Variants in CPXM2 observed in about 807,000 individuals in gnomAD.
The protein encoded by CPXM2 is carboxypeptidase X, M14 family member 2.
CPXM2 carries 66 observed loss-of-function variants against 86.1 expected under a neutral mutation model. That is an observed-to-expected ratio of 0.77 (90% CI 0.63 to 0.94). The LOEUF is 0.94. Ranked by LOEUF, CPXM2 falls within the 40% of genes least tolerant of loss-of-function variation. CPXM2 has a pLI of 0.00. For synonymous variants in CPXM2, 388 were observed against 400.2 expected (o/e 0.97, Z 0.36); for missense variants, 948 against 1,026.3 (o/e 0.92, Z 1.04).
intron 4 of CPXM2, among the ~76,000 whole-genome samples, chr10:123,813,361 T>A (rs752103018): frequency 3.3e-5 from 5 of 152,232 alleles, no homozygotes; most frequent in Admixed American, 6.5e-5. Flanking sequence ...AAGGATCAGA[T>A]CACTTGTTTC....
intron 2 of CPXM2, among the ~76,000 whole-genome samples, chr10:123,932,445 G>T (rs1945673940): frequency 1.3e-5 from 2 of 152,204 alleles, no homozygotes; most frequent in Non-Finnish European, 1.5e-5. Flanking sequence ...TTTGTTCCTT[G>T]GGTGGACAGT....
At chr10:123,747,960 G>A (rs1238344325) in intron 13 of CPXM2, among the ~76,000 whole-genome samples, 2 of 151,282 alleles carry the variant, frequency 1.3e-5, no homozygotes, top group East Asian at 3.9e-4. Flanking sequence ...CTAGGCTGAG[G>A]TCTCTCCTCC....
intron 4 of CPXM2, among the ~76,000 whole-genome samples, chr10:123,820,918 A>C (rs528090322): frequency 1.3e-5 from 2 of 152,310 alleles, no homozygotes; most frequent in South Asian, 4.1e-4. Flanking sequence ...CACATCTAAA[A>C]AGTCGCTTTT....
At chr10:123,771,999 G>A (rs1258372385) in intron 7 of CPXM2, among the ~76,000 whole-genome samples, 2 of 152,186 alleles carry the variant, frequency 1.3e-5, no homozygotes, top group East Asian at 3.8e-4. Flanking sequence ...ATAGCAGCAT[G>A]AGAATGAAGG....
chr10:123,938,557 T>C (rs912304391), intron 2 of CPXM2, among the ~76,000 whole-genome samples: 18 of 152,208 alleles, frequency 1.2e-4, no homozygotes, highest in Non-Finnish European at 2.2e-4. Context: ...TCATAGCTCA[T>C]TGGCCTGCAC....
intron 2 of CPXM2, among the ~76,000 whole-genome samples, chr10:123,863,086 T>C (rs576336574): frequency 1.7e-4 from 26 of 152,294 alleles, no homozygotes; most frequent in African/African-American, 6.0e-4. Flanking sequence ...GCCTTTATAT[T>C]GTGCATGCTA....
At chr10:123,862,851 T>C (rs1848884375) in intron 2 of CPXM2, 128 bp from the exon 3 acceptor site, 6 of 737,228 alleles carry the variant, frequency 8.1e-6, no homozygotes, top group Non-Finnish European at 1.4e-5. Context: ...TGCCTGGTCT[T>C]TCCAGACACG....
chr10:123,840,739 T>TA (rs950186192), intron 4 of CPXM2, among the ~76,000 whole-genome samples: 139 of 150,330 alleles, frequency 9.2e-4, no homozygotes, highest in Middle Eastern at 3.4e-3. Context: ...GTCTTTACAG[T>TA]AAAAAAAAAA....
At chr10:123,792,353 C>A (rs892023291) in intron 6 of CPXM2, among the ~76,000 whole-genome samples, 8 of 152,196 alleles carry the variant, frequency 5.3e-5, no homozygotes, top group Admixed American at 5.2e-4. Flanking sequence ...CTGCTGGAAA[C>A]TTACAATCAA....
intron 2 of CPXM2, among the ~76,000 whole-genome samples, chr10:123,866,868 G>C (rs1290436595): frequency 2.6e-5 from 4 of 152,234 alleles, no homozygotes; most frequent in South Asian, 2.1e-4. Context: ...CACTTGGAAA[G>C]TTCTTATTTA....
rs1446341558 is a variant in CPXM2, at chr10:123,885,141, G to A, written c.305-4832C>T. Among the ~76,000 whole-genome samples, 1 of 152,146 alleles carries A rather than the reference G, an allele frequency of 6.6e-6. No homozygotes were observed. The highest frequency in any genetic ancestry group is 2.4e-5 in the African/African-American group (1 of 41,424). ...AAGTAGCACAGGTGAAAAGTTGAAG[G>A]GGAAACACCAATAACTCAGGCTGTG... On this transcript the variant is annotated intron_variant, in intron 1 of 13. Transcript: ENST00000241305. The surrounding 1 kb of genome is among the most constrained non-coding windows in gnomAD (Gnocchi z 4.0).
chr10:123,923,471 C>T (rs966991054), intron 2 of CPXM2, among the ~76,000 whole-genome samples: 7 of 150,848 alleles, frequency 4.6e-5, no homozygotes, highest in Middle Eastern at 3.4e-3. Flanking sequence ...GTCCCAGCTA[C>T]TCGGGAGGCT....
chr10:123,864,276 G>A (rs1455369058), intron 2 of CPXM2, among the ~76,000 whole-genome samples: 2 of 150,928 alleles, frequency 1.3e-5, no homozygotes, highest in Non-Finnish European at 2.9e-5. Flanking sequence ...CCCACCCACT[G>A]ACTGTGACAC....
rs1846553873 is a variant in CPXM2 at position 123,768,689 on chromosome 10, T to C, written c.1136A>G (p.His379Arg). ...CTCCCGGCCCAGCACCTCATTGCCG[T>C]GGGCCCCCGCGATGTAGTGGAACTC... ...EPEFHYIAGA[H>R]GNEVLGRELL... The change falls in exon 9 of 14, where the codon CAC becomes CGC. Residue 379 changes from histidine to arginine, a missense_variant. His to Arg is a conservative substitution (Grantham distance 29). Coordinates refer to ENST00000241305, the MANE Select transcript of CPXM2 (RefSeq NM_198148.3). 1 of 1,611,336 alleles carries C rather than the reference T, an allele frequency of 6.2e-7. No individual in the cohort carries two copies. The highest frequency in any genetic ancestry group is 2.2e-5 in the East Asian group (1 of 44,846).
chr10:123,813,539 T>C (rs1301100460), intron 4 of CPXM2, among the ~76,000 whole-genome samples: 1 of 152,216 alleles, frequency 6.6e-6, no homozygotes, highest in Non-Finnish European at 1.5e-5. Flanking sequence ...TAGTAATTGT[T>C]CTTGGTTAAA....
chr10:123,923,158 T>C (rs532988386), intron 2 of CPXM2, among the ~76,000 whole-genome samples: 30 of 152,120 alleles, frequency 2.0e-4, no homozygotes, highest in Non-Finnish European at 4.1e-4. Context: ...ACAATTGGCC[T>C]GCGTTCTTCA....
upstream of CPXM2, among the ~76,000 whole-genome samples, chr10:123,893,438 A>G (rs1294701325): frequency 6.6e-6 from 1 of 152,180 alleles, no homozygotes; most frequent in Non-Finnish European, 1.5e-5. Context: ...TTTTAGGGCC[A>G]GTCTTCCAGG....
chr10:123,903,135 G>A (rs148411329), intron 2 of CPXM2, among the ~76,000 whole-genome samples: 201 of 152,298 alleles, frequency 1.3e-3, no homozygotes, highest in African/African-American at 4.5e-3. Flanking sequence ...CTCCCCTAAT[G>A]TGGCTTTCCC....
At chr10:123,933,075 AAGG>A (rs369866060) in intron 2 of CPXM2, among the ~76,000 whole-genome samples, 19 of 152,346 alleles carry the variant, frequency 1.2e-4, no homozygotes, top group African/African-American at 4.3e-4. Context: ...ATAACTGACC[AAGG>A]AGGTGTCAAG....
Sources: gnomAD v4.1 joint callset for allele counts (sites outside exome capture counted in the v4.1 genomes callset) on GRCh38, gnomAD v4.1.1 for gene constraint, Gnocchi (gnomAD v3.1) non-coding constraint, MANE v1.5 for transcripts, NCBI Gene and HGNC (gene_info 2026-07-23, HGNC 2026-07-21) for gene names.